The following ERC2 variants were observed in gnomAD, a reference collection of about 807,000 sequenced individuals.
The protein encoded by ERC2 is ERC protein 2.
A neutral mutation model predicts 114.8 loss-of-function variants in ERC2; 42 were observed. That is an observed-to-expected ratio of 0.37 (90% CI 0.29 to 0.47). The LOEUF (loss-of-function observed/expected upper bound fraction) is 0.47. Among genes scored for constraint, ERC2 ranks in the 20% least tolerant of loss-of-function variants. The pLI is 0.99. For synonymous variants in ERC2, 454 were observed against 425.5 expected (o/e 1.07, Z -0.82); for missense variants, 939 against 1,150.7 (o/e 0.82, Z 2.66).
intron 3 of ERC2, among the ~76,000 whole-genome samples, chr3:56,197,929 G>C (rs1301976308): frequency 6.6e-6 from 1 of 152,194 alleles, no homozygotes; most frequent in South Asian, 2.1e-4. Context: ...TCAGAAATAT[G>C]CATCTAGAAA....
At chr3:55,763,469 G>A (rs758265472) in intron 14 of ERC2, among the ~76,000 whole-genome samples, 3 of 152,166 alleles carry the variant, frequency 2.0e-5, no homozygotes, top group African/African-American at 2.4e-5. Context: ...CATCGGGTGT[G>A]TCTTGCATTA....
At chr3:55,864,773 T>A (rs941222728) in intron 14 of ERC2, among the ~76,000 whole-genome samples, 3 of 152,106 alleles carry the variant, frequency 2.0e-5, no homozygotes, top group African/African-American at 7.2e-5. Flanking sequence ...GTCATCATCA[T>A]CAGCAGTACC....
chr3:56,014,265 T>C (rs1156398223), intron 8 of ERC2, among the ~76,000 whole-genome samples: 1 of 152,160 alleles, frequency 6.6e-6, no homozygotes, highest in African/African-American at 2.4e-5. Flanking sequence ...CTACCAGTAG[T>C]CCCTACTACA....
chr3:55,928,665 A>G (rs935857853), intron 13 of ERC2, among the ~76,000 whole-genome samples: 4 of 152,176 alleles, frequency 2.6e-5, no homozygotes, highest in Non-Finnish European at 5.9e-5. Flanking sequence ...GTGGGGTATT[A>G]CTCAAGAAAT....
intron 3 of ERC2, among the ~76,000 whole-genome samples, chr3:56,226,609 G>T (rs1244146528): frequency 1.3e-5 from 2 of 152,044 alleles, no homozygotes; most frequent in African/African-American, 2.4e-5. Context: ...GATGTGAAAA[G>T]GTGAAGTTTT....
chr3:56,141,512 T>C (rs528977532), intron 5 of ERC2, among the ~76,000 whole-genome samples: 6 of 152,324 alleles, frequency 3.9e-5, no homozygotes, highest in Middle Eastern at 3.4e-3. Context: ...GTGGTCATGG[T>C]GGCCCCTTTG....
chr3:56,365,826 C>T (rs73090570), intron 2 of ERC2, among the ~76,000 whole-genome samples: 5,006 of 152,250 alleles, frequency 0.033, 177 homozygotes, highest in African/African-American at 0.08. Context: ...GTTCATTATC[C>T]GCCCCTTGAC....
intron 3 of ERC2, among the ~76,000 whole-genome samples, chr3:56,260,429 G>C (rs2052837407): frequency 6.6e-6 from 1 of 152,222 alleles, no homozygotes; most frequent in African/African-American, 2.4e-5. Flanking sequence ...TTAAAAAACA[G>C]GAGAACATCG....
chr3:56,008,052 T>C (rs1162163492), intron 9 of ERC2, among the ~76,000 whole-genome samples: 1 of 152,178 alleles, frequency 6.6e-6, no homozygotes. Flanking sequence ...AACATAACTT[T>C]GCAACCTAAA....
intron 15 of ERC2, among the ~76,000 whole-genome samples, chr3:55,705,454 A>G (rs2063432501): frequency 6.6e-6 from 1 of 152,180 alleles, no homozygotes; most frequent in African/African-American, 2.4e-5. Context: ...AGAGCAGGAA[A>G]TGTATGTGAG....
intron 4 of ERC2, among the ~76,000 whole-genome samples, chr3:56,171,990 A>C (rs546009459): frequency 1.4e-4 from 21 of 150,024 alleles, no homozygotes; most frequent in Admixed American, 1.3e-3. Context: ...AAAAACAAAA[A>C]AAAAAACAAG....
chr3:55,785,414 A>T lies in ERC2; in HGVS notation c.2565-50496T>A, dbSNP rs147296991. 3.1e-3 allele frequency among the ~76,000 whole-genome samples: 479 copies of T among 152,214 alleles called. 4 individuals are homozygous for T. Among genetic ancestry groups the T allele is most frequent in the African/African-American group, 0.011 (451 of 41,544 alleles). Reference sequence around the variant, plus strand: ...TTCTCTCAGTTCCTTCTTTTAGCTAACCTCCATCCCTTGCTGTAATTTTGA... The same window carrying T: ...TTCTCTCAGTTCCTTCTTTTAGCTATCCTCCATCCCTTGCTGTAATTTTGA... On this transcript the variant is annotated intron_variant, in intron 14 of 17. Coordinates refer to ENST00000288221, the MANE Select transcript of ERC2 (RefSeq NM_015576.3).
At chr3:55,841,496 C>G (rs755439072) in intron 14 of ERC2, among the ~76,000 whole-genome samples, 8 of 152,116 alleles carry the variant, frequency 5.3e-5, no homozygotes, top group Non-Finnish European at 1.2e-4. Context: ...TATAAATTAC[C>G]CAGTCTCGGG....
intron 14 of ERC2, among the ~76,000 whole-genome samples, chr3:55,847,137 A>C (rs187457696): frequency 6.6e-6 from 1 of 152,356 alleles, no homozygotes; most frequent in East Asian, 1.9e-4. Flanking sequence ...AAATAGATTT[A>C]TCAGATGTGC....
intron 14 of ERC2, among the ~76,000 whole-genome samples, chr3:55,791,106 G>A (rs1345095317): frequency 6.6e-6 from 1 of 152,182 alleles, no homozygotes; most frequent in Non-Finnish European, 1.5e-5. Flanking sequence ...AGGCATTCAT[G>A]TAATTCTTTG....
intron 2 of ERC2, among the ~76,000 whole-genome samples, chr3:56,373,617 A>C (rs183290210): frequency 6.6e-6 from 1 of 152,242 alleles, no homozygotes. Flanking sequence ...GAGTCAGCAA[A>C]TTTTTCTGCA....
chr3:56,393,185 G>A (rs1458236099), intron 2 of ERC2, among the ~76,000 whole-genome samples: 5 of 152,186 alleles, frequency 3.3e-5, no homozygotes, highest in Non-Finnish European at 7.3e-5. Context: ...ATCACCTGAG[G>A]TCAGGAGTTT....
Position 55,936,765 on chromosome 3 carries a change from T to C in ERC2, c.2403+13660A>G, listed in dbSNP as rs144246730. 2.2e-4 allele frequency among the ~76,000 whole-genome samples: 33 copies of C among 152,280 alleles called. No individual in the cohort carries two copies. In the East Asian group the frequency reaches 6.0e-3, roughly 28 times the overall value. On this transcript the variant is annotated intron_variant, in intron 13 of 17. Coordinates refer to ENST00000288221, the MANE Select transcript of ERC2 (RefSeq NM_015576.3). ...CCAGGGCCAATGGCACAGGGTGCTA[T>C]AGGCTATGGTAAGTAAGGTCTTTAC... is the stretch of plus-strand genomic sequence containing the variant.
intron 6 of ERC2, among the ~76,000 whole-genome samples, chr3:56,122,006 A>G (rs557688041): frequency 6.6e-6 from 1 of 152,328 alleles, no homozygotes; most frequent in Non-Finnish European, 1.5e-5. Flanking sequence ...CTGACAAAGG[A>G]CTTCACCAAG....
Sources: allele counts gnomAD v4.1 joint callset (sites outside exome capture counted in the v4.1 genomes callset), GRCh38; gene constraint gnomAD v4.1.1; transcripts MANE v1.5; gene names NCBI Gene and HGNC (gene_info 2026-07-23, HGNC 2026-07-21).